Variants in DLGAP1 observed in about 807,000 individuals in gnomAD.
DLGAP1 encodes DLG associated protein 1, also known as disks large-associated protein 1.
DLGAP1 carries 11 observed loss-of-function variants against 90.8 expected under a neutral mutation model. The ratio of observed to expected loss-of-function variants is 0.12; its 90% CI spans 0.08 to 0.20. The LOEUF (loss-of-function observed/expected upper bound fraction) is 0.20. Ranked by LOEUF, DLGAP1 falls within the 10% of genes least tolerant of loss-of-function variation. The pLI, the probability that DLGAP1 is intolerant of heterozygous loss-of-function variation, is 1.00. For synonymous variants in DLGAP1, 558 were observed against 540.7 expected (o/e 1.03, Z -0.44); for missense variants, 1,050 against 1,333.8 (o/e 0.79, Z 3.31).
At chr18:3,878,022 C>T (rs948240879) in intron 4 of DLGAP1, among the ~76,000 whole-genome samples, 1 of 152,086 alleles carries the variant, frequency 6.6e-6, no homozygotes, top group African/African-American at 2.4e-5. Flanking sequence ...GAGGCATTCC[C>T]AAGGGAGCCA....
intron 2 of DLGAP1, among the ~76,000 whole-genome samples, chr18:4,045,618 C>CAAAAA (rs1316839691): frequency 6.6e-6 from 1 of 150,992 alleles, no homozygotes; most frequent in Non-Finnish European, 1.5e-5. Context: ...AACAAACAAA[C>CAAAAA]AAAAAAACCC....
At chr18:4,445,178 T>C (rs1213954068) in intron 1 of DLGAP1, among the ~76,000 whole-genome samples, 4 of 152,212 alleles carry the variant, frequency 2.6e-5, no homozygotes, top group African/African-American at 9.6e-5. Flanking sequence ...GCTCAATTAC[T>C]ACAAATCAGT....
chr18:3,599,951 G>A (rs1464538614), intron 7 of DLGAP1, among the ~76,000 whole-genome samples: 2 of 149,870 alleles, frequency 1.3e-5, no homozygotes, highest in South Asian at 2.1e-4. Flanking sequence ...ACAGGGTCTC[G>A]CTCTGTTGCC....
At chr18:3,978,444 T>C in intron 3 of DLGAP1, 1 of 295,288 alleles carries the variant, frequency 3.4e-6, no homozygotes, top group Non-Finnish European at 6.7e-6. Context: ...TTGACAGTGC[T>C]GTGGAATTAG....
intron 5 of DLGAP1, among the ~76,000 whole-genome samples, chr18:3,764,283 T>G (rs1031624135): frequency 6.6e-6 from 1 of 152,232 alleles, no homozygotes; most frequent in African/African-American, 2.4e-5. Context: ...GCATGTCATC[T>G]ATATCCTTAC....
At chr18:4,438,286 A>C (rs2083450241) in intron 1 of DLGAP1, among the ~76,000 whole-genome samples, 1 of 152,034 alleles carries the variant, frequency 6.6e-6, no homozygotes, top group South Asian at 2.1e-4. Context: ...TTATCATCTG[A>C]TGGGTCCTAC....
At chr18:3,512,445 T>C (rs920185941) in intron 10 of DLGAP1, among the ~76,000 whole-genome samples, 3 of 152,144 alleles carry the variant, frequency 2.0e-5, no homozygotes, top group African/African-American at 7.2e-5. Context: ...AAGTAAGCAC[T>C]CTTTATAAAC....
At chr18:4,174,884 G>C (rs1367138347) in intron 1 of DLGAP1, among the ~76,000 whole-genome samples, 1 of 152,072 alleles carries the variant, frequency 6.6e-6, no homozygotes, top group Non-Finnish European at 1.5e-5. Context: ...GTTTTGTGTT[G>C]GTTTGCTGAG....
chr18:3,841,029 T>C (rs917527998), intron 4 of DLGAP1, among the ~76,000 whole-genome samples: 1 of 152,230 alleles, frequency 6.6e-6, no homozygotes, highest in African/African-American at 2.4e-5. Context: ...GCTGTACTTG[T>C]AGATATTTCT....
intron 1 of DLGAP1, among the ~76,000 whole-genome samples, chr18:4,273,513 G>A (rs2145372283): frequency 6.6e-6 from 1 of 152,322 alleles, no homozygotes; most frequent in South Asian, 2.1e-4. Context: ...TGAGATCATA[G>A]TTCAGTGTAA....
intron 4 of DLGAP1, among the ~76,000 whole-genome samples, chr18:3,867,099 G>A (rs1486790926): frequency 3.9e-5 from 6 of 152,132 alleles, no homozygotes; most frequent in South Asian, 2.1e-4. Context: ...TGATCCGCCC[G>A]CCTTGGCCTC....
Position 4,363,905 on chromosome 18 carries a change from G to A in DLGAP1, c.-267+91101C>T, listed in dbSNP as rs576021045. On this transcript the variant is annotated intron_variant, in intron 1 of 12. Coordinates refer to ENST00000315677, the MANE Select transcript of DLGAP1 (RefSeq NM_004746.4). The stretch of plus-strand genomic sequence containing the variant: ...ATTTGAACCAGCCATCCCATTACTG[G>A]GTATATACCCAAAGGACTATAAATC... 7.4e-3 allele frequency among the ~76,000 whole-genome samples: 1,121 copies of A among 152,032 alleles called. 15 individuals carry two copies. The highest frequency in any genetic ancestry group is 0.026 in the African/African-American group (1,062 of 41,442).
chr18:3,510,112 G>T (rs1482325272), intron 10 of DLGAP1, among the ~76,000 whole-genome samples: 1 of 152,104 alleles, frequency 6.6e-6, no homozygotes, highest in African/African-American at 2.4e-5. Context: ...TAAATCAATT[G>T]TGCAAGACCT....
At chr18:4,127,321 A>G (rs1331253735) in intron 2 of DLGAP1, among the ~76,000 whole-genome samples, 1 of 152,206 alleles carries the variant, frequency 6.6e-6, no homozygotes, top group East Asian at 1.9e-4. Flanking sequence ...CAAAGGGGAA[A>G]AAACATGATT....
rs1454307603 is a variant in DLGAP1 at position 3,879,108 on chromosome 18, G to GTACC, written c.957_957+3dup. On this transcript the variant is annotated splice_donor_region_variant and intron_variant, in intron 4 of 12. Transcript: ENST00000315677. This position sits in a 1 kb window ranked among gnomAD's most constrained non-coding sequence, Gnocchi z 6.6. ...TAAGCCTCCATCATTGACAGAAATG[G>GTACC]TACCTGCAGGTACTGGCAGGAGCGT... The GTACC allele has an allele frequency of 1.3e-6, 2 of 1,493,522 alleles. No homozygotes were observed. Among genetic ancestry groups the GTACC allele is most frequent in the African/African-American group, 2.8e-5 (2 of 70,970 alleles). The allele number at this position is 1,493,522 out of a possible 1,614,324, so 92.5% of individuals were successfully genotyped here. A position where few individuals can be genotyped will look rare whatever the true frequency, so the allele number is the denominator to read the frequency against.
At chr18:4,343,651 G>A (rs2081246903) in intron 1 of DLGAP1, among the ~76,000 whole-genome samples, 1 of 152,026 alleles carries the variant, frequency 6.6e-6, no homozygotes, top group African/African-American at 2.4e-5. Flanking sequence ...GCCTGTTGGG[G>A]GGTCGGGGGC....
At chr18:4,246,109 G>A (rs138469452) in intron 1 of DLGAP1, among the ~76,000 whole-genome samples, 354 of 152,244 alleles carry the variant, frequency 2.3e-3, no homozygotes, top group Middle Eastern at 6.8e-3. Flanking sequence ...AAGTATGTGT[G>A]TGTATCTTGG....
At chr18:4,267,383 G>A (rs906285500) in intron 1 of DLGAP1, among the ~76,000 whole-genome samples, 2 of 152,146 alleles carry the variant, frequency 1.3e-5, no homozygotes, top group Admixed American at 6.5e-5. Flanking sequence ...TTCCCTTGCA[G>A]AAACATTTTG....
intron 7 of DLGAP1, among the ~76,000 whole-genome samples, chr18:3,651,919 C>T (rs867653853): frequency 1.1e-4 from 16 of 151,726 alleles, no homozygotes; most frequent in Non-Finnish European, 1.5e-4. Context: ...TGCAGCGAGC[C>T]GAGATCACGC....
Sources: gnomAD v4.1 joint callset for allele counts (sites outside exome capture counted in the v4.1 genomes callset) on GRCh38, gnomAD v4.1.1 for gene constraint, Gnocchi (gnomAD v3.1) non-coding constraint, MANE v1.5 for transcripts, NCBI Gene and HGNC (gene_info 2026-07-23, HGNC 2026-07-21) for gene names.